PCNT: variants seen among roughly 807,000 people sequenced by gnomAD.
PCNT encodes the protein kendrin.
PCNT carries 319 observed loss-of-function variants against 380.4 expected under a neutral mutation model. The ratio of observed to expected loss-of-function variants is 0.84; its 90% confidence interval spans 0.77 to 0.92. PCNT has a LOEUF of 0.92. PCNT is among the 40% of genes least tolerant of loss of function. The probability of loss-of-function intolerance (pLI) is 0.00; values close to 1 mark genes in which losing one functional copy is unlikely to be tolerated. For synonymous variants in PCNT, 1,845 were observed against 1,735.2 expected, an observed-to-expected ratio of 1.06 and a Z score of -1.57; for missense variants, 4,400 against 4,255.3, an observed-to-expected ratio of 1.03 and a Z score of -0.95.
chr21:46,435,308 C>A (rs916563663), intron 38 of PCNT, among the ~76,000 whole-genome samples: 1 of 152,102 alleles, frequency 6.6e-6, no homozygotes. Context: ...TCACTGTAAC[C>A]TCTACCTTCT....
rs199661615 is a variant in PCNT, at chr21:46,397,271, G to A, written c.4223G>A (p.Arg1408Gln). 321 of 1,613,818 alleles carry A rather than the reference G, an allele frequency of 2.0e-4. No homozygotes were observed. The highest frequency in any genetic ancestry group is 2.6e-4 in the Non-Finnish European group (308 of 1,179,860). ...GTCCTGTTTGCATCCTTAGCTCTCCGGAAGGAAGTGGAGGATCTGACCAAA... is the reference window on the plus strand; with the variant it reads ...GTCCTGTTTGCATCCTTAGCTCTCCAGAAGGAAGTGGAGGATCTGACCAAA... ...TDAEAREAAL[R>Q]KEVEDLTKEQ... The change falls in exon 22 of 47, where the codon CGG becomes CAG. Residue 1408 changes from arginine to glutamine, a missense_variant. Coordinates refer to ENST00000359568, the MANE Select transcript of PCNT (RefSeq NM_006031.6).
intron 15 of PCNT, among the ~76,000 whole-genome samples, chr21:46,376,403 C>T (rs1008525073): frequency 8.5e-5 from 13 of 152,162 alleles, no homozygotes; most frequent in African/African-American, 1.4e-4. Flanking sequence ...TGCTGGGCAC[C>T]GGGAGCGCAG....
chr21:46,378,628 G>C (rs1298997517), intron 15 of PCNT, among the ~76,000 whole-genome samples: 3 of 152,170 alleles, frequency 2.0e-5, no homozygotes, highest in Non-Finnish European at 4.4e-5. Flanking sequence ...TTTACTTCTG[G>C]AATTTTTCAT....
At chr21:46,417,046 C>T (rs887339656) in intron 30 of PCNT, among the ~76,000 whole-genome samples, 1 of 152,174 alleles carries the variant, frequency 6.6e-6, no homozygotes, top group African/African-American at 2.4e-5. Flanking sequence ...ATGCATTTGC[C>T]TGCCTCAGAC....
intron 15 of PCNT, among the ~76,000 whole-genome samples, chr21:46,368,404 C>T (rs1039948103): frequency 6.6e-6 from 1 of 151,456 alleles, no homozygotes; most frequent in African/African-American, 2.4e-5. Flanking sequence ...TCCGAGATCG[C>T]ACCAGTGCAC....
intron 29 of PCNT, among the ~76,000 whole-genome samples, chr21:46,414,450 G>A (rs1451987238): frequency 1.1e-4 from 4 of 36,444 alleles, no homozygotes; most frequent in African/African-American, 1.7e-4. Context: ...GGACACAGTC[G>A]CCCACCCTCC....
chr21:46,351,760 G>A (rs377011772), intron 9 of PCNT, among the ~76,000 whole-genome samples: 6 of 152,350 alleles, frequency 3.9e-5, no homozygotes, highest in Non-Finnish European at 5.9e-5. Flanking sequence ...CAGCAGTGAC[G>A]TGCACCTGTG....
intron 6 of PCNT, among the ~76,000 whole-genome samples, chr21:46,348,629 C>G (rs1402549400): frequency 6.6e-6 from 1 of 152,110 alleles, no homozygotes; most frequent in Non-Finnish European, 1.5e-5. Flanking sequence ...TCTTTTTTTT[C>G]TTTGAGACAG....
chr21:46,430,847 G>T, intron 37 of PCNT, 190 bp downstream of exon 37: 1 of 985,460 alleles, frequency 1.0e-6, no homozygotes, highest in Non-Finnish European at 1.2e-6. Context: ...GCCACCACAG[G>T]GCGAAGAGTG....
chr21:46,385,104 C>T (rs912748051), intron 16 of PCNT, among the ~76,000 whole-genome samples: 2 of 152,208 alleles, frequency 1.3e-5, no homozygotes, highest in African/African-American at 2.4e-5. Context: ...CCTTTAATCC[C>T]AGCACTTCGG....
At chr21:46,422,227 C>G in intron 32 of PCNT, 103 bp downstream of exon 32, 1 of 1,438,108 alleles carries the variant, frequency 7.0e-7, no homozygotes, top group Non-Finnish European at 9.6e-7. Flanking sequence ...GGAGGGCCAG[C>G]TTTTCCTGGG....
intron 8 of PCNT, 150 bp from the exon 9 acceptor site, chr21:46,351,279 T>C: frequency 1.4e-6 from 1 of 700,650 alleles, no homozygotes; most frequent in Non-Finnish European, 2.6e-6. Context: ...TCTCGGTCTC[T>C]GCTGTGGCTG....
chr21:46,358,478 G>A (rs61307895), intron 13 of PCNT, among the ~76,000 whole-genome samples: 38 of 152,366 alleles, frequency 2.5e-4, no homozygotes, highest in African/African-American at 8.7e-4. Flanking sequence ...TAAGGGTGGA[G>A]CCCTGTGGGG....
chr21:46,430,373 T>A (rs2087698816), intron 36 of PCNT, 134 bp from the exon 37 acceptor site: 1 of 1,408,684 alleles, frequency 7.1e-7, no homozygotes, highest in Non-Finnish European at 9.8e-7. Flanking sequence ...GTCCCTGGGT[T>A]GATAATCCTG....
At chr21:46,330,892 G>A (rs2083538194) in intron 2 of PCNT, among the ~76,000 whole-genome samples, 1 of 152,168 alleles carries the variant, frequency 6.6e-6, no homozygotes, top group African/African-American at 2.4e-5. Context: ...GAACCTTTAT[G>A]TTATAGTTGT....
At chr21:46,404,495 C>T (rs927736544) in intron 27 of PCNT, among the ~76,000 whole-genome samples, 1 of 152,216 alleles carries the variant, frequency 6.6e-6, no homozygotes, top group Non-Finnish European at 1.5e-5. Flanking sequence ...TACGCCACTC[C>T]CTGGTGCTGG....
In PCNT at chr21:46,402,485, T is replaced by C; in HGVS notation, c.5115+2T>C. 1 of 1,613,920 alleles carries C rather than the reference T, an allele frequency of 6.2e-7. No homozygotes were observed. Among genetic ancestry groups the C allele is most frequent in the Non-Finnish European group, 8.5e-7 (1 of 1,179,880 alleles). ...GAGGAAGAGAACACGAGCTTGAAGGTAAGCTACCAAAGGTCCACGTGACGC... is the reference window on the plus strand; with the variant it reads ...GAGGAAGAGAACACGAGCTTGAAGGCAAGCTACCAAAGGTCCACGTGACGC... On this transcript the variant is annotated splice_donor_variant, in intron 27 of 46. Coordinates refer to ENST00000359568, the MANE Select transcript of PCNT (RefSeq NM_006031.6). LOFTEE classifies it high-confidence loss of function.
chr21:46,326,585 C>T lies in PCNT; in HGVS notation c.263C>T (p.Ala88Val). The change falls in exon 2 of 47, where the codon GCT (alanine) becomes GTT (valine). Residue 88 changes from alanine to valine, a missense_variant. Physicochemically the swap from Ala to Val is moderately conservative, Grantham distance 64. Transcript: ENST00000359568. ...TPDGAGGAFA[A>V]QPEDCDGEKR... Reference sequence around the variant, plus strand: ...GATGGGGCAGGAGGGGCCTTTGCAGCTCAGGTAGATTTGCTCAATGTTGTA... The same window carrying T: ...GATGGGGCAGGAGGGGCCTTTGCAGTTCAGGTAGATTTGCTCAATGTTGTA... The T allele has an allele frequency of 6.2e-7, 1 of 1,613,690 alleles. No individual in the cohort carries two copies. The highest frequency in any genetic ancestry group is 8.5e-7 in the Non-Finnish European group (1 of 1,179,626).
chr21:46,390,289 G>A (rs571598359), intron 19 of PCNT, among the ~76,000 whole-genome samples: 2 of 152,236 alleles, frequency 1.3e-5, no homozygotes, highest in African/African-American at 4.8e-5. Context: ...CTCCAGCCTG[G>A]GTGCAGAGCA....
Sources: gnomAD v4.1 joint callset for allele counts (sites outside exome capture counted in the v4.1 genomes callset) on GRCh38, gnomAD v4.1.1 for gene constraint, MANE v1.5 for transcripts, NCBI Gene and HGNC (gene_info 2026-07-23, HGNC 2026-07-21) for gene names.